The following RIC1 variants were observed in gnomAD, a reference collection of about 807,000 sequenced individuals.
RIC1 encodes RIC1 partner of RAB6A GEF complex.
A neutral mutation model predicts 169.0 loss-of-function variants in RIC1; 88 were observed. That is an observed-to-expected ratio of 0.52 (90% confidence interval 0.44 to 0.62). The LOEUF (loss-of-function observed/expected upper bound fraction) is 0.62, where lower values mean the gene tolerates loss of function less well. Ranked by LOEUF, RIC1 falls within the 20% of genes least tolerant of loss-of-function variation. The pLI is 0.00. For synonymous variants in RIC1, 790 were observed against 601.5 expected (o/e 1.31, Z -4.59); for missense variants, 1,877 against 1,725.5 (o/e 1.09, Z -1.56).
chr9:5,742,792 G>C (rs1198292151), intron 8 of RIC1, 77 bp from the exon 9 acceptor site: 1 of 1,033,014 alleles, frequency 9.7e-7, no homozygotes. Context: ...AATACAGATT[G>C]TATTTGAAAA....
rs557052345 is a variant in RIC1 at position 5,773,745 on chromosome 9, G to C, written c.3984-213G>C. Among the ~76,000 whole-genome samples the C allele has an allele frequency of 2.6e-5, 4 of 152,276 alleles. No homozygotes were observed. The South Asian group carries it at 6.2e-4, about 24-fold the overall frequency. On this transcript the variant is annotated intron_variant, in intron 25 of 25. Transcript: ENST00000414202. The stretch of plus-strand genomic sequence containing the variant: ...CATCAGCCTTTGCCCCTAATGCTTA[G>C]AAACTTAAGCCTCAGGCTTATGCAA...
chr9:5,680,527 T>A (rs1013216893), intron 2 of RIC1, among the ~76,000 whole-genome samples: 2 of 152,182 alleles, frequency 1.3e-5, no homozygotes, highest in Non-Finnish European at 2.9e-5. Flanking sequence ...GAGCCTGTTA[T>A]TGGTCTATTC....
chr9:5,651,366 T>C (rs2130405122), intron 1 of RIC1, among the ~76,000 whole-genome samples: 1 of 152,184 alleles, frequency 6.6e-6, no homozygotes, highest in African/African-American at 2.4e-5. Context: ...GGTTTTTTTT[T>C]TGTGAAGGAG....
intron 13 of RIC1, 35 bp downstream of exon 13, chr9:5,753,273 G>A: frequency 1.9e-6 from 3 of 1,600,246 alleles, no homozygotes; most frequent in Non-Finnish European, 2.6e-6. Context: ...AACTTTTGTT[G>A]ACTAGCATTT....
At chr9:5,722,748 C>G (rs771453250) in intron 6 of RIC1, among the ~76,000 whole-genome samples, 1 of 152,116 alleles carries the variant, frequency 6.6e-6, no homozygotes, top group Non-Finnish European at 1.5e-5. Context: ...TGATGTTCCC[C>G]ACCTTGTGTC....
intron 2 of RIC1, among the ~76,000 whole-genome samples, chr9:5,683,786 G>A (rs995804048): frequency 5.3e-5 from 8 of 152,170 alleles, no homozygotes; most frequent in Admixed American, 5.2e-4. Context: ...AGCTGTGGTG[G>A]GCTCCACCCA....
At chr9:5,647,903 G>A (rs1316295547) in intron 1 of RIC1, among the ~76,000 whole-genome samples, 1 of 124,262 alleles carries the variant, frequency 8.0e-6, no homozygotes, top group African/African-American at 2.9e-5. Flanking sequence ...TTTTGTTTTT[G>A]TTTGTTTGTT....
chr9:5,656,209 G>A (rs1440917205), intron 1 of RIC1, among the ~76,000 whole-genome samples: 1 of 152,052 alleles, frequency 6.6e-6, no homozygotes, highest in Non-Finnish European at 1.5e-5. Flanking sequence ...TCTGATTTTG[G>A]TATTAAGGGA....
At chr9:5,677,850 A>T (rs553216760) in intron 2 of RIC1, among the ~76,000 whole-genome samples, 77 of 151,506 alleles carry the variant, frequency 5.1e-4, no homozygotes, top group African/African-American at 1.7e-3. Flanking sequence ...CTTTTTTTTT[A>T]AATTTTATTA....
chr9:5,743,776 A>G (rs756385710), intron 10 of RIC1, 39 bp downstream of exon 10: 375 of 1,466,962 alleles, frequency 2.6e-4, no homozygotes, highest in Non-Finnish European at 3.4e-4. Context: ...GGTATTAAAA[A>G]AACTTGGATT....
intron 8 of RIC1, among the ~76,000 whole-genome samples, chr9:5,739,549 A>G (rs919030285): frequency 8.5e-5 from 13 of 152,138 alleles, no homozygotes; most frequent in Non-Finnish European, 1.6e-4. Flanking sequence ...GCCTGCCAGG[A>G]CTTTATTGAT....
chr9:5,680,755 C>G (rs1343135549), intron 2 of RIC1, among the ~76,000 whole-genome samples: 1 of 148,784 alleles, frequency 6.7e-6, no homozygotes, highest in East Asian at 2.0e-4. Flanking sequence ...CTTTATTAGT[C>G]TTGCTAGCGG....
chr9:5,761,200 G>A (rs900467295), intron 17 of RIC1, among the ~76,000 whole-genome samples: 5 of 137,782 alleles, frequency 3.6e-5, no homozygotes, highest in East Asian at 4.5e-4. Flanking sequence ...TGCAGCCTCC[G>A]TCTCCCGGGT....
chr9:5,751,040 A>G (rs1825695498), intron 12 of RIC1, among the ~76,000 whole-genome samples: 1 of 151,854 alleles, frequency 6.6e-6, no homozygotes, highest in African/African-American at 2.4e-5. Context: ...TAGTGTGATC[A>G]TTTGATAAGA....
intron 1 of RIC1, among the ~76,000 whole-genome samples, chr9:5,655,597 G>A (rs765530694): frequency 3.9e-5 from 6 of 152,104 alleles, no homozygotes; most frequent in Non-Finnish European, 8.8e-5. Flanking sequence ...CGTGGCGCCC[G>A]GCCTTGCTCA....
intron 3 of RIC1, among the ~76,000 whole-genome samples, chr9:5,709,222 C>T (rs781196418): frequency 7.9e-5 from 12 of 152,168 alleles, no homozygotes; most frequent in Admixed American, 7.2e-4. Flanking sequence ...AGGCAGGAAA[C>T]TGCAGTTCTG....
intron 3 of RIC1, among the ~76,000 whole-genome samples, chr9:5,708,855 A>G (rs1822757873): frequency 2.6e-5 from 4 of 152,066 alleles, no homozygotes; most frequent in Admixed American, 1.3e-4. Flanking sequence ...GACTTCCATC[A>G]TACAGACAGG....
At chr9:5,703,074 C>G (rs1356469343) in intron 3 of RIC1, among the ~76,000 whole-genome samples, 1 of 152,192 alleles carries the variant, frequency 6.6e-6, no homozygotes, top group Non-Finnish European at 1.5e-5. Context: ...AAAATACAAT[C>G]ATGCCTTCAC....
chr9:5,761,794 A>G (rs528141947), intron 17 of RIC1, among the ~76,000 whole-genome samples: 1 of 152,320 alleles, frequency 6.6e-6, no homozygotes, highest in African/African-American at 2.4e-5. Flanking sequence ...TAATGTGCAT[A>G]ATGGTTTAAG....
Sources: gnomAD v4.1 joint callset for allele counts (sites outside exome capture counted in the v4.1 genomes callset) on GRCh38, gnomAD v4.1.1 for gene constraint, MANE v1.5 for transcripts, NCBI Gene and HGNC (gene_info 2026-07-23, HGNC 2026-07-21) for gene names.